PARM1: variants seen among roughly 807,000 people sequenced by gnomAD.
The protein encoded by PARM1 is WSC4, cell wall integrity and stress response component 4 homolog.
A neutral mutation model predicts 24.6 loss-of-function variants in PARM1; 14 were observed. The observed-to-expected ratio is 0.57, with a 90% confidence interval of 0.38 to 0.89. The LOEUF (loss-of-function observed/expected upper bound fraction) is 0.89. PARM1 is among the 40% of genes least tolerant of loss of function. The probability of loss-of-function intolerance (pLI) is 0.00; values close to 1 mark genes in which losing one functional copy is unlikely to be tolerated. For synonymous variants in PARM1, 179 were observed against 156.6 expected (o/e 1.14, Z -1.07); for missense variants, 362 against 380.4 (o/e 0.95, Z 0.40).
Position 75,046,174 on chromosome 4 carries a change from A to G in PARM1, c.860A>G (p.Tyr287Cys). ...TGTTTCTCCACCAGGCATTCCTCCT[A>G]TGGAAGACTTTTGGACGACCATGAC... ...AAYLKIRHSS[Y>C]GRLLDDHDYG... The change falls in exon 4 of 4, where the codon TAT (tyrosine) becomes TGT (cysteine). Residue 287 changes from tyrosine to cysteine, a missense_variant. Tyr to Cys is a radical substitution (Grantham distance 194, BLOSUM62 -2). Transcript: ENST00000307428. 6.2e-7 allele frequency: 1 copy of G among 1,611,948 alleles called. No homozygotes were observed. Among genetic ancestry groups the G allele is most frequent in the Non-Finnish European group, 8.5e-7 (1 of 1,178,084 alleles).
At chr4:75,039,489 G>A (rs1044062513) in intron 3 of PARM1, among the ~76,000 whole-genome samples, 32 of 151,990 alleles carry the variant, frequency 2.1e-4, no homozygotes, top group African/African-American at 5.8e-4. Context: ...AGCCAAAATC[G>A]CACCACTGCA....
chr4:74,937,379 C>T (rs1721215839), intron 1 of PARM1, among the ~76,000 whole-genome samples: 1 of 152,098 alleles, frequency 6.6e-6, no homozygotes, highest in Non-Finnish European at 1.5e-5. Context: ...GAAAACTGAC[C>T]TGAGAAGGTG....
At chr4:75,038,671 T>C (rs1287155801) in intron 3 of PARM1, among the ~76,000 whole-genome samples, 1 of 152,280 alleles carries the variant, frequency 6.6e-6, no homozygotes, top group Non-Finnish European at 1.5e-5. Context: ...ATGGAAACTA[T>C]CTCTGAGCAG....
At chr4:74,970,769 C>G (rs1722015495) in intron 1 of PARM1, among the ~76,000 whole-genome samples, 1 of 152,128 alleles carries the variant, frequency 6.6e-6, no homozygotes, top group Non-Finnish European at 1.5e-5. Context: ...TAAGCTAAAC[C>G]TAATCAGGAG....
intron 1 of PARM1, among the ~76,000 whole-genome samples, chr4:74,977,058 A>C (rs865872109): frequency 6.6e-6 from 1 of 152,196 alleles, no homozygotes; most frequent in African/African-American, 2.4e-5. Flanking sequence ...TTCTCCTCCA[A>C]ATTATTGCAA....
chr4:75,034,151 G>A (rs1723326628), intron 3 of PARM1, among the ~76,000 whole-genome samples, 190 bp downstream of exon 3: 1 of 152,148 alleles, frequency 6.6e-6, no homozygotes, highest in African/African-American at 2.4e-5. Context: ...TCTGAACCTT[G>A]GCAAAGTAGA....
At chr4:75,003,173 A>G (rs1267843594) in intron 1 of PARM1, among the ~76,000 whole-genome samples, 1 of 152,100 alleles carries the variant, frequency 6.6e-6, no homozygotes, top group Non-Finnish European at 1.5e-5. Context: ...CCCCACCCTG[A>G]GAAACCCCAA....
chr4:74,945,633 A>G (rs1721398211), intron 1 of PARM1, among the ~76,000 whole-genome samples: 2 of 152,316 alleles, frequency 1.3e-5, no homozygotes, highest in Admixed American at 6.5e-5. Context: ...ACTCTGTCCT[A>G]ACTGATCAGT....
chr4:74,965,825 G>T (rs143975946), intron 1 of PARM1, among the ~76,000 whole-genome samples: 1 of 152,290 alleles, frequency 6.6e-6, no homozygotes, highest in East Asian at 1.9e-4. Context: ...AACAAGGAAA[G>T]GCTAAGACAT....
At chr4:75,030,289 A>G (rs1560797716) in intron 2 of PARM1, among the ~76,000 whole-genome samples, 1 of 152,224 alleles carries the variant, frequency 6.6e-6, no homozygotes, top group Non-Finnish European at 1.5e-5. Context: ...TACCACATGT[A>G]AAACCTTAAT....
intron 1 of PARM1, among the ~76,000 whole-genome samples, chr4:74,966,303 A>G (rs935669101): frequency 1.3e-5 from 2 of 152,206 alleles, no homozygotes; most frequent in Admixed American, 1.3e-4. Flanking sequence ...TGTCAAGACT[A>G]TTTTAAGAGG....
At chr4:75,013,468 GC>G (rs1436234166) in intron 2 of PARM1, among the ~76,000 whole-genome samples, 1 of 152,198 alleles carries the variant, frequency 6.6e-6, no homozygotes. Flanking sequence ...TTCAACTCTG[GC>G]TCCTGACCTT....
chr4:74,933,592 C>T (rs1052127183), intron 1 of PARM1, among the ~76,000 whole-genome samples: 1 of 152,230 alleles, frequency 6.6e-6, no homozygotes, highest in African/African-American at 2.4e-5. Context: ...GCAGCCCGCG[C>T]CCGCACAAAC....
intron 1 of PARM1, among the ~76,000 whole-genome samples, chr4:74,972,503 A>G (rs1722058819): frequency 6.6e-6 from 1 of 152,172 alleles, no homozygotes; most frequent in Admixed American, 6.5e-5. Flanking sequence ...TTACCTTTTT[A>G]AACATCTGCA....
chr4:74,978,432 C>T (rs1204090661), intron 1 of PARM1, among the ~76,000 whole-genome samples: 1 of 152,140 alleles, frequency 6.6e-6, no homozygotes, highest in African/African-American at 2.4e-5. Flanking sequence ...TATATTTGCA[C>T]CCAATACAGG....
At chr4:75,002,024 C>G (rs1466244330) in intron 1 of PARM1, among the ~76,000 whole-genome samples, 2 of 152,190 alleles carry the variant, frequency 1.3e-5, no homozygotes, top group Non-Finnish European at 2.9e-5. Context: ...ATGCATTAGC[C>G]TGGGATGCCA....
In PARM1 at chr4:74,984,933, T is replaced by C. The variant is rs548884721; in HGVS notation, c.44-27492T>C. ...CTTTAGAGAAAAAGTTTGCCAACCC[T>C]CATCACAGAGGATGGCAGGGAGTGA... On this transcript the variant is annotated intron_variant, in intron 1 of 3. Transcript: ENST00000307428. Among the ~76,000 whole-genome samples, 507 of 152,222 alleles carry C rather than the reference T, an allele frequency of 3.3e-3. 5 individuals are homozygous for C. Among genetic ancestry groups the C allele is most frequent in the African/African-American group, 0.011 (472 of 41,534 alleles).
At chr4:74,965,742 C>T (rs1041706217) in intron 1 of PARM1, among the ~76,000 whole-genome samples, 8 of 152,142 alleles carry the variant, frequency 5.3e-5, no homozygotes, top group African/African-American at 1.4e-4. Context: ...GGAAAAGCAT[C>T]GGACTAACCC....
chr4:74,980,933 A>G (rs1419737313), intron 1 of PARM1, among the ~76,000 whole-genome samples: 1 of 151,946 alleles, frequency 6.6e-6, no homozygotes, highest in African/African-American at 2.4e-5. Context: ...AGAAAATTGA[A>G]ACTTCCTTAT....
Sources: allele counts gnomAD v4.1 joint callset (sites outside exome capture counted in the v4.1 genomes callset), GRCh38; gene constraint gnomAD v4.1.1; transcripts MANE v1.5; gene names NCBI Gene and HGNC (gene_info 2026-07-23, HGNC 2026-07-21).